The following SUMF1 variants were observed in gnomAD, a reference collection of about 807,000 sequenced individuals.
The protein encoded by SUMF1 is formylglycine-generating enzyme.
SUMF1 carries 48 observed loss-of-function variants against 47.6 expected under a neutral mutation model. That is an observed-to-expected ratio of 1.01 (90% CI 0.80 to 1.28). The LOEUF (loss-of-function observed/expected upper bound fraction) is 1.28. Among genes scored for constraint, SUMF1 ranks in the 50% most tolerant of loss-of-function variants. The pLI, the probability that SUMF1 is intolerant of heterozygous loss-of-function variation, is 0.00. For missense variants in SUMF1, 571 were observed against 485.4 expected, an observed-to-expected ratio of 1.18 and a Z score of -1.66; for synonymous variants, 230 against 192.1, an observed-to-expected ratio of 1.20 and a Z score of -1.63.
chr3:4,376,487 G>T, intron 7 of SUMF1, 98 bp from the exon 8 acceptor site: 1 of 1,306,804 alleles, frequency 7.7e-7, no homozygotes, highest in Non-Finnish European at 1.1e-6. Context: ...CTCTCTCATG[G>T]TTGCCTAAAC....
In SUMF1 at chr3:4,467,229, A is replaced by C. The variant is rs1274701582; in HGVS notation, c.17T>G (p.Leu6Arg). ...AGGGCAACGTCCACACACCAGCCCT[A>C]GTGCGGGCGCAGCCATGTTGTCCCG... Reference protein sequence around the residue: MAAPALGLVCGRCPEL... With the variant: MAAPARGLVCGRCPEL... The change falls in exon 1 of 9, where the codon CTA (leucine) becomes CGA (arginine). Residue 6 changes from leucine (L) to arginine (R), a missense_variant. Physicochemically the swap from Leu to Arg is moderately radical, Grantham distance 102. Coordinates refer to ENST00000272902, the MANE Select transcript of SUMF1 (RefSeq NM_182760.4). The C allele has an allele frequency of 6.2e-7, 1 of 1,610,526 alleles. No individual in the cohort carries two copies. The highest frequency in any genetic ancestry group is 8.5e-7 in the Non-Finnish European group (1 of 1,178,832).
intron 8 of SUMF1, among the ~76,000 whole-genome samples, chr3:4,330,434 G>A (rs1212047939): frequency 6.6e-6 from 1 of 152,224 alleles, no homozygotes; most frequent in Admixed American, 6.5e-5. Flanking sequence ...GAAGGCAAAG[G>A]AGGACCATGC....
chr3:4,067,877 G>C (rs1485774116), intron 9 of SUMF1, among the ~76,000 whole-genome samples: 1 of 152,150 alleles, frequency 6.6e-6, no homozygotes, highest in African/African-American at 2.4e-5. Context: ...AGGTAGAGAG[G>C]ATAAAGACTG....
chr3:4,087,285 G>A (rs577265615), intron 8 of SUMF1, among the ~76,000 whole-genome samples: 40 of 152,288 alleles, frequency 2.6e-4, no homozygotes, highest in African/African-American at 9.1e-4. Context: ...AGCTGGGCAA[G>A]TTATAATACC....
Position 4,417,254 on chromosome 3 carries a change from G to C in SUMF1, c.726-12C>G, listed in dbSNP as rs1244156195. ...CCCAGGGGAAAAGTCTGTCAGAAGA[G>C]ACACAGGCATCAGCCTGTCAAACAG... On this transcript the variant is annotated splice_polypyrimidine_tract_variant and intron_variant, in intron 5 of 8. Transcript: ENST00000272902. 1 of 1,612,106 alleles carries C rather than the reference G, an allele frequency of 6.2e-7. No individual in the cohort carries two copies. Among genetic ancestry groups the C allele is most frequent in the Non-Finnish European group, 8.5e-7 (1 of 1,178,276 alleles).
chr3:4,397,080 T>C (rs1701062240), intron 7 of SUMF1, among the ~76,000 whole-genome samples: 1 of 152,220 alleles, frequency 6.6e-6, no homozygotes, highest in African/African-American at 2.4e-5. Flanking sequence ...ATTAGCCTCC[T>C]AATAATGCAG....
At chr3:4,143,988 CT>C (rs10598580) in intron 8 of SUMF1, among the ~76,000 whole-genome samples, 6,692 of 85,592 alleles carry the variant, frequency 0.078, 272 homozygotes, top group African/African-American at 0.16. Flanking sequence ...TCTTCTCTCT[CT>C]TTTTTTTTTT....
At chr3:4,046,232 C>A (rs570064564) in intron 9 of SUMF1, among the ~76,000 whole-genome samples, 1 of 152,146 alleles carries the variant, frequency 6.6e-6, no homozygotes, top group African/African-American at 2.4e-5. Context: ...GAAAGGACCC[C>A]TGGCCCAAGT....
intron 8 of SUMF1, among the ~76,000 whole-genome samples, chr3:4,371,247 C>T (rs187190220): frequency 1.2e-4 from 19 of 152,214 alleles, no homozygotes; most frequent in Admixed American, 8.5e-4. Flanking sequence ...ATGGGTCATT[C>T]TATTAATTAA....
intron 3 of SUMF1, among the ~76,000 whole-genome samples, chr3:4,434,686 T>C (rs1373227535): frequency 6.6e-6 from 1 of 152,234 alleles, no homozygotes. Context: ...AGTAAAATAC[T>C]AGTGAATAAA....
chr3:4,368,872 A>G (rs1028051048), intron 8 of SUMF1, among the ~76,000 whole-genome samples: 2 of 152,182 alleles, frequency 1.3e-5, no homozygotes. Flanking sequence ...ACGGAGAATA[A>G]AAATAAACTA....
chr3:4,087,175 T>C (rs892411349), intron 8 of SUMF1, among the ~76,000 whole-genome samples: 1 of 151,920 alleles, frequency 6.6e-6, no homozygotes, highest in Admixed American at 6.6e-5. Context: ...CAACGTGGGG[T>C]AGTGAGAATC....
intron 8 of SUMF1, among the ~76,000 whole-genome samples, chr3:4,094,455 T>C (rs779306251): frequency 3.5e-4 from 53 of 152,026 alleles, no homozygotes; most frequent in Non-Finnish European, 6.9e-4. Context: ...ATCAGTGTAG[T>C]GAAAAATGAC....
At chr3:4,281,238 C>T (rs923814024) in intron 8 of SUMF1, among the ~76,000 whole-genome samples, 2 of 152,030 alleles carry the variant, frequency 1.3e-5, no homozygotes, top group African/African-American at 4.8e-5. Context: ...TCTACTTGCA[C>T]TGTGAAGAAG....
At chr3:4,192,946 C>T (rs746732428) in intron 8 of SUMF1, among the ~76,000 whole-genome samples, 5 of 152,050 alleles carry the variant, frequency 3.3e-5, no homozygotes, top group African/African-American at 4.8e-5. Context: ...ATGTCTGCCA[C>T]GTAAGAATAT....
At chr3:4,250,274 A>G in intron 8 of SUMF1, among the ~76,000 whole-genome samples, 1 of 137,778 alleles carries the variant, frequency 7.3e-6, no homozygotes, top group East Asian at 2.5e-4. Context: ...AAGAGGGGGA[A>G]AGGGGGAAGG....
intron 8 of SUMF1, among the ~76,000 whole-genome samples, chr3:4,276,046 C>A (rs953660762): frequency 2.0e-5 from 3 of 152,172 alleles, no homozygotes; most frequent in African/African-American, 7.2e-5. Flanking sequence ...AAGCCCTGAT[C>A]TGTGTGGTTC....
chr3:4,218,913 T>C (rs555703341), intron 8 of SUMF1, among the ~76,000 whole-genome samples: 22 of 152,290 alleles, frequency 1.4e-4, no homozygotes, highest in Admixed American at 1.4e-3. Flanking sequence ...TTTCTCACTA[T>C]TAAACGCAGC....
At chr3:4,165,056 G>A (rs184963257) in intron 8 of SUMF1, among the ~76,000 whole-genome samples, 29 of 152,262 alleles carry the variant, frequency 1.9e-4, no homozygotes, top group African/African-American at 6.0e-4. Flanking sequence ...TCCCAGTGGG[G>A]ATGCATACTG....
Sources: gnomAD v4.1 joint callset for allele counts (sites outside exome capture counted in the v4.1 genomes callset) on GRCh38, gnomAD v4.1.1 for gene constraint, MANE v1.5 for transcripts, NCBI Gene and HGNC (gene_info 2026-07-23, HGNC 2026-07-21) for gene names.